MDN1: variants seen among roughly 807,000 people sequenced by gnomAD.
The protein encoded by MDN1 is midasin AAA ATPase 1, also known as midasin.
MDN1 carries 266 observed loss-of-function variants against 669.2 expected under a neutral mutation model. The observed-to-expected ratio is 0.40, with a 90% CI of 0.36 to 0.44. The LOEUF is 0.44. MDN1 is among the 20% of genes least tolerant of loss of function. The pLI, the probability that MDN1 is intolerant of heterozygous loss-of-function variation, is 1.00. For missense variants in MDN1, 5,940 were observed against 6,754.0 expected (o/e 0.88, Z 4.22); for synonymous variants, 2,385 against 2,457.1 (o/e 0.97, Z 0.87).
intron 37 of MDN1, among the ~76,000 whole-genome samples, chr6:89,727,156 A>G (rs572775472): frequency 2.0e-5 from 3 of 152,322 alleles, no homozygotes; most frequent in Admixed American, 2.0e-4. Context: ...GCAGCTCAGC[A>G]GACAGGAGTC....
chr6:89,697,246 A>G (rs1307225085), intron 59 of MDN1, among the ~76,000 whole-genome samples: 2 of 152,250 alleles, frequency 1.3e-5, no homozygotes, highest in Non-Finnish European at 2.9e-5. Context: ...ATCTGTTTGT[A>G]TAAAAGAAAA....
intron 11 of MDN1, among the ~76,000 whole-genome samples, chr6:89,778,093 G>C (rs757114368): frequency 6.6e-6 from 1 of 151,768 alleles, no homozygotes; most frequent in African/African-American, 2.4e-5. Flanking sequence ...CTGTTGGGCC[G>C]TTACAATCTG....
At chr6:89,773,522 A>T (rs1196559171) in intron 13 of MDN1, among the ~76,000 whole-genome samples, 3 of 147,506 alleles carry the variant, frequency 2.0e-5, no homozygotes, top group Admixed American at 6.7e-5. Context: ...CCTGGGGGAC[A>T]GAGCAAGACT....
intron 38 of MDN1, among the ~76,000 whole-genome samples, chr6:89,724,674 T>A (rs1815090224): frequency 6.6e-6 from 1 of 152,182 alleles, no homozygotes; most frequent in South Asian, 2.1e-4. Context: ...AACCTCTGGA[T>A]TGGCCAAACT....
intron 53 of MDN1, 131 bp downstream of exon 53, chr6:89,705,928 C>T (rs1224720247): frequency 1.3e-6 from 1 of 763,332 alleles, no homozygotes; most frequent in Non-Finnish European, 2.0e-6. Flanking sequence ...ATATTTAAAA[C>T]TGTTAAGAAT....
chr6:89,694,311 G>A, intron 61 of MDN1, 128 bp from the exon 62 acceptor site: 1 of 721,602 alleles, frequency 1.4e-6, no homozygotes, highest in Non-Finnish European at 2.4e-6. Context: ...CCAAGGAGAG[G>A]TGGCTCTGCT....
In MDN1 at chr6:89,692,428, C is replaced by G. The variant is rs771847161; in HGVS notation, c.10587+15G>C. 6.9e-6 allele frequency: 11 copies of G among 1,592,190 alleles called. No individual in the cohort carries two copies. Among genetic ancestry groups the G allele is most frequent in the Non-Finnish European group, 9.4e-6 (11 of 1,168,750 alleles). ...CAGGAGGAAGGGCAGGGCAGGCCTCCCAGAGATGGCTCACCTGACACACAT... is the reference window on the plus strand; with the variant it reads ...CAGGAGGAAGGGCAGGGCAGGCCTCGCAGAGATGGCTCACCTGACACACAT... On this transcript the variant is annotated intron_variant, in intron 63 of 101. Coordinates refer to ENST00000369393, the MANE Select transcript of MDN1 (RefSeq NM_014611.3).
rs55885838 is a variant in MDN1 at position 89,747,890 on chromosome 6, CAAAAAAAAAA to C, written c.3763-430_3763-421del. On this transcript the variant is annotated intron_variant, in intron 26 of 101. Transcript: ENST00000369393. ...TGGGCGACAAAGCGAGACTCCGTCT[CAAAAAAAAAA>C]AAAAAAAAAAAAGATTAATTTTTTA... Among the ~76,000 whole-genome samples the C allele has an allele frequency of 3.6e-5, 3 of 84,048 alleles. 1 individual carries two copies. Among genetic ancestry groups the C allele is most frequent in the African/African-American group, 1.5e-4 (3 of 20,334 alleles). The allele number at this position is 84,048 out of a possible 152,430, so 55.1% of individuals were successfully genotyped here.
At chr6:89,754,059 C>G (rs1238973906) in intron 21 of MDN1, 24 bp downstream of exon 21, 2 of 1,607,888 alleles carry the variant, frequency 1.2e-6, no homozygotes, top group South Asian at 2.2e-5. Flanking sequence ...AGCTCATATC[C>G]AGTCAAAGAG....
At chr6:89,720,396 T>A (rs1351158058) in intron 40 of MDN1, among the ~76,000 whole-genome samples, 20 of 145,824 alleles carry the variant, frequency 1.4e-4, no homozygotes, top group African/African-American at 5.2e-4. Flanking sequence ...CAAGACTCCA[T>A]CTCAAAAAAA....
At chr6:89,739,301 C>A (rs1816164448) in intron 32 of MDN1, among the ~76,000 whole-genome samples, 1 of 152,110 alleles carries the variant, frequency 6.6e-6, no homozygotes, top group South Asian at 2.1e-4. Context: ...AATCTGACAG[C>A]CAAGCTAATA....
intron 37 of MDN1, 131 bp from the exon 38 acceptor site, chr6:89,725,527 C>A (rs1815158637): frequency 2.5e-6 from 2 of 803,020 alleles, no homozygotes; most frequent in East Asian, 2.7e-5. Context: ...ATATTGATAA[C>A]CTTCTGTATT....
chr6:89,791,332 A>G (rs1397453244), intron 5 of MDN1, among the ~76,000 whole-genome samples: 1 of 152,194 alleles, frequency 6.6e-6, no homozygotes, highest in African/African-American at 2.4e-5. Context: ...AAATATGGAC[A>G]CTGAGAGGAT....
At chr6:89,729,700 T>G (rs1815466223) in intron 35 of MDN1, among the ~76,000 whole-genome samples, 2 of 142,010 alleles carry the variant, frequency 1.4e-5, no homozygotes, top group Non-Finnish European at 3.1e-5. Flanking sequence ...TTTTTTTTTG[T>G]ACACCAGTTT....
chr6:89,804,958 C>A (rs909386888), intron 1 of MDN1, among the ~76,000 whole-genome samples: 14 of 145,090 alleles, frequency 9.6e-5, no homozygotes, highest in Admixed American at 8.6e-4. Context: ...ATGGTGTGAA[C>A]CCCGGGAGGC....
chr6:89,664,753 A>G, intron 84 of MDN1, 125 bp from the exon 85 acceptor site: 1 of 694,344 alleles, frequency 1.4e-6, no homozygotes, highest in Non-Finnish European at 2.3e-6. Flanking sequence ...AAAGAGAAAC[A>G]ACAGAGACAG....
chr6:89,800,052 A>G (rs1460926426), intron 2 of MDN1, among the ~76,000 whole-genome samples: 1 of 152,166 alleles, frequency 6.6e-6, no homozygotes, highest in African/African-American at 2.4e-5. Flanking sequence ...GAGAAAGGGG[A>G]TAAAGGTTAA....
At chr6:89,711,875 T>C (rs971445383) in intron 49 of MDN1, among the ~76,000 whole-genome samples, 161 bp downstream of exon 49, 2 of 152,202 alleles carry the variant, frequency 1.3e-5, no homozygotes, top group Non-Finnish European at 2.9e-5. Flanking sequence ...ACAGGCAGAC[T>C]TGCTCCTTAA....
At chr6:89,707,546 T>C in intron 51 of MDN1, 70 bp from the exon 52 acceptor site, 1 of 994,032 alleles carries the variant, frequency 1.0e-6, no homozygotes, top group South Asian at 1.3e-5. Flanking sequence ...ATCCTCTATT[T>C]GCTGGAACAC....
Sources: gnomAD v4.1 joint callset for allele counts (sites outside exome capture counted in the v4.1 genomes callset) on GRCh38, gnomAD v4.1.1 for gene constraint, MANE v1.5 for transcripts, NCBI Gene and HGNC (gene_info 2026-07-23, HGNC 2026-07-21) for gene names.